VIRMA: variants seen among roughly 807,000 people sequenced by gnomAD.
VIRMA encodes the protein protein virilizer homolog.
Under a neutral mutation model 182.4 loss-of-function variants are expected in VIRMA, and 65 were observed. The observed-to-expected ratio is 0.36, with a 90% CI of 0.29 to 0.44. The LOEUF (loss-of-function observed/expected upper bound fraction) is 0.44, where lower values mean the gene tolerates loss of function less well. Among genes scored for constraint, VIRMA ranks in the 20% least tolerant of loss-of-function variants. VIRMA has a pLI of 1.00. For missense variants in VIRMA, 1,752 were observed against 2,158.1 expected (o/e 0.81, Z 3.73); for synonymous variants, 709 against 743.1 (o/e 0.95, Z 0.75).
chr8:94,536,162 T>A (rs544309446), intron 4 of VIRMA, among the ~76,000 whole-genome samples: 1 of 152,322 alleles, frequency 6.6e-6, no homozygotes, highest in East Asian at 1.9e-4. Flanking sequence ...TATTTCTTTG[T>A]TAGACTACAC....
At chr8:94,521,593 T>C (rs1814772959) in intron 8 of VIRMA, among the ~76,000 whole-genome samples, 1 of 152,182 alleles carries the variant, frequency 6.6e-6, no homozygotes, top group Admixed American at 6.5e-5. Flanking sequence ...AATAAAATTA[T>C]TTATAATTCT....
Position 94,499,521 on chromosome 8 carries a change from A to G in VIRMA, c.4098-15T>C, listed in dbSNP as rs747987218. ...TCCTTAAAGAACTGTAAATAAAGAA[A>G]ATAAAGAGAAGATATTATCTTAAAA... is the stretch of plus-strand genomic sequence containing the variant. On this transcript the variant is annotated splice_polypyrimidine_tract_variant and intron_variant, in intron 16 of 23. Transcript: ENST00000297591. The G allele has an allele frequency of 7.1e-6, 10 of 1,416,318 alleles. No homozygotes were observed. Among genetic ancestry groups the G allele is most frequent in the South Asian group, 1.2e-5 (1 of 81,158 alleles). The allele number at this position is 1,416,318 out of a possible 1,614,324, so 87.7% of individuals were successfully genotyped here.
In VIRMA at chr8:94,503,610, G is replaced by T. The variant is rs145618041; in HGVS notation, c.4097+2890C>A. On this transcript the variant is annotated intron_variant, in intron 16 of 23. Transcript: ENST00000297591. ...TGGAACAGGAAAAAACATAGTAATA[G>T]AAAATTCAAATAAAATCTGTATGTT... is the stretch of plus-strand genomic sequence containing the variant. Among the ~76,000 whole-genome samples, 12 of 152,184 alleles carry T rather than the reference G, an allele frequency of 7.9e-5. No homozygotes were observed. In the East Asian group the frequency reaches 2.3e-3, roughly 29 times the overall value.
intron 20 of VIRMA, among the ~76,000 whole-genome samples, chr8:94,493,470 TATCTA>T (rs1813671176): frequency 5.9e-5 from 9 of 152,224 alleles, no homozygotes; most frequent in African/African-American, 1.7e-4. Flanking sequence ...AACATGTGCC[TATCTA>T]AATTAATCAA....
At chr8:94,510,719 T>C in intron 13 of VIRMA, 67 bp from the exon 14 acceptor site, 1 of 1,175,230 alleles carries the variant, frequency 8.5e-7, no homozygotes, top group South Asian at 1.4e-5. Context: ...ACAAAAACTG[T>C]TCAGGAAGAA....
At chr8:94,500,622 G>A (rs1245502415) in intron 16 of VIRMA, among the ~76,000 whole-genome samples, 1 of 150,750 alleles carries the variant, frequency 6.6e-6, no homozygotes, top group Non-Finnish European at 1.5e-5. Context: ...ATGAAAAATG[G>A]TATCTCTACT....
intron 16 of VIRMA, among the ~76,000 whole-genome samples, chr8:94,502,952 A>C (rs1360124019): frequency 6.6e-6 from 1 of 152,206 alleles, no homozygotes; most frequent in African/African-American, 2.4e-5. Context: ...GAACAACAAA[A>C]TAAGTAAGGA....
chr8:94,530,165 T>A (rs552105342), intron 6 of VIRMA, among the ~76,000 whole-genome samples: 1 of 152,230 alleles, frequency 6.6e-6, no homozygotes, highest in South Asian at 2.1e-4. Flanking sequence ...TGGCACAGCT[T>A]CAAATGAATT....
At position 94,529,231 on chromosome 8, in the gene VIRMA, ACTTCTC is replaced by A. The variant is rs762163684; in HGVS notation, c.713_718del (p.Gly238_Glu239del). The stretch of plus-strand genomic sequence containing the variant: ...TCCTTCTTCTTGTTGTTCCTCTTCT[ACTTCTC>A]CTTCATCAGAATATTGCCCTTCCTG... On this transcript the variant is annotated inframe_deletion, in exon 7 of 24. Coordinates refer to ENST00000297591, the MANE Select transcript of VIRMA (RefSeq NM_015496.5). 2.5e-6 allele frequency: 4 copies of A among 1,582,288 alleles called. No homozygotes were observed. In the South Asian group the frequency reaches 4.4e-5, roughly 17 times the overall value.
At chr8:94,550,345 T>G (rs977148314) in intron 1 of VIRMA, among the ~76,000 whole-genome samples, 3 of 151,450 alleles carry the variant, frequency 2.0e-5, no homozygotes, top group Non-Finnish European at 4.4e-5. Flanking sequence ...CAGGCTGGAG[T>G]GCAGTGGCAC....
intron 13 of VIRMA, 79 bp downstream of exon 13, chr8:94,511,105 TG>T: frequency 6.5e-7 from 1 of 1,529,644 alleles, no homozygotes; most frequent in South Asian, 1.3e-5. Flanking sequence ...TGAGGGTTTT[TG>T]TTTTTTAACA....
chr8:94,526,990 C>T lies in VIRMA; in HGVS notation c.1254G>A (p.Leu418=). 1 of 1,614,186 alleles carries T rather than the reference C, an allele frequency of 6.2e-7. No individual in the cohort carries two copies. The highest frequency in any genetic ancestry group is 8.5e-7 in the Non-Finnish European group (1 of 1,180,016). The part of the protein sequence containing the change: ...PSLIIKGLSY[L]QLKNTKQDSL... ...AGTCTTGTTTTGTGTTTTTCAATTG[C>T]AAATAGCTTAACCCTTTTATTATTA... The change falls in exon 8 of 24, where the codon TTG becomes TTA. Residue 418 remains leucine (L), a synonymous_variant. Coordinates refer to ENST00000297591, the MANE Select transcript of VIRMA (RefSeq NM_015496.5).
At chr8:94,537,198 C>T in intron 3 of VIRMA, 47 bp from the exon 4 acceptor site, 1 of 1,168,756 alleles carries the variant, frequency 8.6e-7, no homozygotes. Flanking sequence ...CACTGAACAT[C>T]ACAGTTCATG....
At chr8:94,551,827 T>C (rs1278169045) in intron 1 of VIRMA, among the ~76,000 whole-genome samples, 1 of 152,162 alleles carries the variant, frequency 6.6e-6, no homozygotes, top group Non-Finnish European at 1.5e-5. Flanking sequence ...CAGGATCAAA[T>C]GATCCTTCCA....
At position 94,488,746 on chromosome 8, in the gene VIRMA, C is replaced by A; in HGVS notation, c.5399G>T (p.Gly1800Val). Residue 1800 changes from glycine to valine, a missense_variant, in exon 24 of 24, where the codon GGC becomes GTC. By Grantham distance (109) the Gly-to-Val change is moderately radical. This residue lies in a region of VIRMA where 132 missense variants were observed against 173.8 expected (regional missense o/e 0.76). Transcript: ENST00000297591. The stretch of plus-strand genomic sequence containing the variant: ...GCGTACATGACGACCTCTACCACTG[C>A]CTCCACTAACAAACTTTCCTCTTGA... The part of the protein sequence containing the change: ...GGSRGKFVSG[G>V]SGRGRHVRSF... 1 of 1,614,178 alleles carries A rather than the reference C, an allele frequency of 6.2e-7. No individual in the cohort carries two copies. The highest frequency in any genetic ancestry group is 1.7e-5 in the Admixed American group (1 of 60,024).
At chr8:94,498,030 G>A (rs1463785182) in intron 17 of VIRMA, 1 of 152,152 alleles carries the variant, frequency 6.6e-6, no homozygotes, top group African/African-American at 2.4e-5. Context: ...AACAGGGAGA[G>A]AAAGAGAGTC....
At chr8:94,537,883 A>T (rs775271561) in intron 3 of VIRMA, among the ~76,000 whole-genome samples, 6 of 152,238 alleles carry the variant, frequency 3.9e-5, no homozygotes, top group Non-Finnish European at 8.8e-5. Context: ...CTATGGAATT[A>T]TAAATTGCAC....
At chr8:94,503,569 A>T (rs1209764510) in intron 16 of VIRMA, among the ~76,000 whole-genome samples, 1 of 152,230 alleles carries the variant, frequency 6.6e-6, no homozygotes. Flanking sequence ...GCAATGTAAG[A>T]TCTTACATTG....
intron 2 of VIRMA, 23 bp downstream of exon 2, chr8:94,543,804 T>C: frequency 7.7e-7 from 1 of 1,305,146 alleles, no homozygotes; most frequent in South Asian, 1.3e-5. Context: ...CAAAAAATAC[T>C]TTTAAAAAGA....
Sources: allele counts gnomAD v4.1 joint callset (sites outside exome capture counted in the v4.1 genomes callset), GRCh38; gene constraint gnomAD v4.1.1; regional missense constraint gnomAD v4.1.1; transcripts MANE v1.5; gene names NCBI Gene and HGNC (gene_info 2026-07-23, HGNC 2026-07-21).